Variants in IKZF2 observed in about 807,000 individuals in gnomAD.
The protein encoded by IKZF2 is zinc finger protein Helios.
A neutral mutation model predicts 49.2 loss-of-function variants in IKZF2; 15 were observed. The ratio of observed to expected loss-of-function variants is 0.30; its 90% CI spans 0.20 to 0.47. The LOEUF (loss-of-function observed/expected upper bound fraction) is 0.47, where lower values mean the gene tolerates loss of function less well. Ranked by LOEUF, IKZF2 falls within the 20% of genes least tolerant of loss-of-function variation. The pLI is 1.00. For synonymous variants in IKZF2, 227 were observed against 221.4 expected, an observed-to-expected ratio of 1.03 and a Z score of -0.23; for missense variants, 567 against 664.6, an observed-to-expected ratio of 0.85 and a Z score of 1.61.
chr2:213,126,409 T>C (rs751194907), intron 4 of IKZF2, among the ~76,000 whole-genome samples: 1 of 152,110 alleles, frequency 6.6e-6, no homozygotes, highest in East Asian at 1.9e-4. Flanking sequence ...TCCTAGGAGG[T>C]ACCGGTAATA....
intron 4 of IKZF2, among the ~76,000 whole-genome samples, chr2:213,116,784 G>A (rs1346364780): frequency 6.6e-6 from 1 of 152,140 alleles, no homozygotes; most frequent in Non-Finnish European, 1.5e-5. Flanking sequence ...AATTGGCTCT[G>A]AATGTACAAT....
chr2:213,096,450 C>G (rs138657408), intron 4 of IKZF2, among the ~76,000 whole-genome samples: 1 of 151,900 alleles, frequency 6.6e-6, no homozygotes, highest in Non-Finnish European at 1.5e-5. Context: ...GAGATTTTAT[C>G]TATCGATAAA....
At chr2:213,093,054 A>G (rs1034288558) in intron 4 of IKZF2, among the ~76,000 whole-genome samples, 2 of 152,164 alleles carry the variant, frequency 1.3e-5, no homozygotes, top group African/African-American at 4.8e-5. Flanking sequence ...TACCTGCTCT[A>G]TATTTGCTAA....
At chr2:213,053,935 T>C (rs1317219714) in intron 5 of IKZF2, among the ~76,000 whole-genome samples, 2 of 152,132 alleles carry the variant, frequency 1.3e-5, no homozygotes, top group Non-Finnish European at 2.9e-5. Context: ...AATTGGATGG[T>C]TGTGCATCTT....
intron 4 of IKZF2, among the ~76,000 whole-genome samples, chr2:213,099,075 T>G (rs1706337606): frequency 6.6e-6 from 1 of 152,128 alleles, no homozygotes; most frequent in Non-Finnish European, 1.5e-5. Flanking sequence ...AAAATTCAAT[T>G]AAATATTAGC....
chr2:213,124,623 G>T (rs1485035675), intron 4 of IKZF2, among the ~76,000 whole-genome samples: 1 of 152,232 alleles, frequency 6.6e-6, no homozygotes, highest in East Asian at 1.9e-4. Context: ...CTGCTCTCAA[G>T]AGTATTTCAG....
At chr2:213,148,193 T>C (rs991430088) in intron 3 of IKZF2, among the ~76,000 whole-genome samples, 1 of 152,178 alleles carries the variant, frequency 6.6e-6, no homozygotes, top group Admixed American at 6.5e-5. Flanking sequence ...GACAGGTAGC[T>C]AAAGAAATGT....
intron 4 of IKZF2, among the ~76,000 whole-genome samples, chr2:213,109,352 T>C (rs757560018): frequency 6.6e-6 from 1 of 152,070 alleles, no homozygotes; most frequent in Non-Finnish European, 1.5e-5. Flanking sequence ...TTAATATTCA[T>C]CTTGCAATTT....
At chr2:213,040,944 C>T (rs1699576546) in intron 6 of IKZF2, among the ~76,000 whole-genome samples, 2 of 152,034 alleles carry the variant, frequency 1.3e-5, no homozygotes, top group African/African-American at 4.8e-5. Context: ...ACGGTGAAAC[C>T]CCGTCTCTAC....
intron 6 of IKZF2, among the ~76,000 whole-genome samples, chr2:213,036,639 T>C (rs965844739): frequency 1.3e-5 from 2 of 152,190 alleles, no homozygotes; most frequent in South Asian, 2.1e-4. Context: ...CAGTTGCTTA[T>C]AATCATTATC....
chr2:213,021,923 A>ATTTTCTCT, intron 7 of IKZF2, 70 bp downstream of exon 7: 1 of 1,454,216 alleles, frequency 6.9e-7, no homozygotes, highest in Non-Finnish European at 9.3e-7. Flanking sequence ...ACAGCATAAG[A>ATTTTCTCT]TTTTATCTTC....
intron 4 of IKZF2, among the ~76,000 whole-genome samples, chr2:213,134,064 A>T (rs544165177): frequency 6.2e-4 from 95 of 152,346 alleles, no homozygotes; most frequent in African/African-American, 2.2e-3. Context: ...TTAATTTTTT[A>T]AAAATGTCTC....
At chr2:213,145,665 T>C (rs921701631) in intron 4 of IKZF2, among the ~76,000 whole-genome samples, 4 of 152,028 alleles carry the variant, frequency 2.6e-5, no homozygotes, top group Non-Finnish European at 4.4e-5. Flanking sequence ...ATCTTCTCCA[T>C]CTAACACCTA....
intron 6 of IKZF2, among the ~76,000 whole-genome samples, chr2:213,023,113 G>A (rs766747926): frequency 1.1e-4 from 17 of 152,110 alleles, no homozygotes; most frequent in South Asian, 2.1e-4. Flanking sequence ...GTAAAGCACC[G>A]TGTGATCCAG....
chr2:213,054,104 C>G (rs2125361374), intron 5 of IKZF2, among the ~76,000 whole-genome samples: 1 of 152,048 alleles, frequency 6.6e-6, no homozygotes, highest in South Asian at 2.1e-4. Context: ...ATTAGCTGGG[C>G]CTGGTGGTGG....
chr2:213,147,201 G>A (rs1319416656), intron 4 of IKZF2, among the ~76,000 whole-genome samples: 1 of 152,092 alleles, frequency 6.6e-6, no homozygotes, highest in Admixed American at 6.6e-5. Flanking sequence ...TACAGAAATG[G>A]ATATAAATGA....
In IKZF2 at chr2:212,999,924, CACAT is replaced by C. The variant is rs754353188; in HGVS notation, c.*7432_*7435del. 5 of 152,144 alleles carry C rather than the reference CACAT, an allele frequency of 3.3e-5. No individual in the cohort carries two copies. Among genetic ancestry groups the C allele is most frequent in the South Asian group, 2.1e-4 (1 of 4,826 alleles). The allele number at this position is 152,144 out of a possible 1,614,324, so 9.4% of individuals were successfully genotyped here. A position where few individuals can be genotyped will look rare whatever the true frequency, so the allele number is the denominator to read the frequency against. ...TTTCTGCAGCTTCTTTAGTTGTACA[CACAT>C]ACAGACACACACTCACACATGCATA... On this transcript the variant is annotated 3_prime_UTR_variant, in exon 9 of 9. Transcript: ENST00000434687.
intron 6 of IKZF2, among the ~76,000 whole-genome samples, chr2:213,039,767 A>G (rs191073057): frequency 2.6e-5 from 4 of 152,234 alleles, no homozygotes; most frequent in Admixed American, 1.3e-4. Flanking sequence ...TGCTGGTTCA[A>G]TTGAAAGCTG....
At chr2:213,087,187 CA>C in intron 4 of IKZF2, among the ~76,000 whole-genome samples, 1 of 151,864 alleles carries the variant, frequency 6.6e-6, no homozygotes, top group Non-Finnish European at 1.5e-5. Context: ...CCAAGCAGAG[CA>C]GAGGAAAAAA....
Sources: allele counts gnomAD v4.1 joint callset (sites outside exome capture counted in the v4.1 genomes callset), GRCh38; gene constraint gnomAD v4.1.1; transcripts MANE v1.5; gene names NCBI Gene and HGNC (gene_info 2026-07-23, HGNC 2026-07-21).